OSBP: variants seen among roughly 807,000 people sequenced by gnomAD.
The protein encoded by OSBP is oxysterol binding protein.
A neutral mutation model predicts 96.6 loss-of-function variants in OSBP; 32 were observed. That is an observed-to-expected ratio of 0.33 (90% confidence interval 0.25 to 0.45). The LOEUF is 0.45. Ranked by LOEUF, OSBP falls within the 20% of genes least tolerant of loss-of-function variation. The pLI, the probability that OSBP is intolerant of heterozygous loss-of-function variation, is 1.00. For synonymous variants in OSBP, 369 were observed against 389.6 expected, an observed-to-expected ratio of 0.95 and a Z score of 0.62; for missense variants, 653 against 1,029.7, an observed-to-expected ratio of 0.63 and a Z score of 5.01.
chr11:59,590,534 G>A (rs1295194340), intron 9 of OSBP, among the ~76,000 whole-genome samples: 2 of 152,182 alleles, frequency 1.3e-5, no homozygotes, highest in Non-Finnish European at 2.9e-5. Context: ...TGTTGGGCCT[G>A]AATGAGTTAA....
chr11:59,599,982 C>T (rs1860700514), intron 7 of OSBP, among the ~76,000 whole-genome samples: 1 of 152,156 alleles, frequency 6.6e-6, no homozygotes, highest in Non-Finnish European at 1.5e-5. Context: ...ACTCTGACAA[C>T]AGTGTAGACA....
At chr11:59,608,103 A>G (rs1860804908) in intron 3 of OSBP, among the ~76,000 whole-genome samples, 1 of 151,980 alleles carries the variant, frequency 6.6e-6, no homozygotes. Context: ...GTTCCAACAG[A>G]TGAAATGAGA....
chr11:59,611,673 C>G lies in OSBP; in HGVS notation c.363-1084G>C, dbSNP rs551836283. Among the ~76,000 whole-genome samples the G allele has an allele frequency of 2.0e-5, 3 of 152,282 alleles. No homozygotes were observed. In the South Asian group the frequency reaches 6.2e-4, roughly 32 times the overall value. ...GAATATGTTCATTCCTAAGGTCCACCATACTCTACTGGTGGGAACTCCTAA... is the reference window on the plus strand; with the variant it reads ...GAATATGTTCATTCCTAAGGTCCACGATACTCTACTGGTGGGAACTCCTAA... On this transcript the variant is annotated intron_variant, in intron 1 of 13. Coordinates refer to ENST00000263847, the MANE Select transcript of OSBP (RefSeq NM_002556.3).
intron 1 of OSBP, among the ~76,000 whole-genome samples, chr11:59,614,231 G>C (rs1480071470): frequency 6.6e-6 from 1 of 152,202 alleles, no homozygotes; most frequent in Non-Finnish European, 1.5e-5. Context: ...AACAGAAGTA[G>C]TTTCAAATCC....
chr11:59,603,837 G>C (rs924335253), intron 3 of OSBP, among the ~76,000 whole-genome samples: 8 of 152,120 alleles, frequency 5.3e-5, no homozygotes, highest in African/African-American at 1.9e-4. Context: ...TTCCTATGTT[G>C]TCTCTGCTTT....
At chr11:59,602,413 A>G (rs1677398158) in intron 3 of OSBP, among the ~76,000 whole-genome samples, 1 of 152,224 alleles carries the variant, frequency 6.6e-6, no homozygotes, top group African/African-American at 2.4e-5. Context: ...AAATATTAGA[A>G]GCCTACTTGA....
Position 59,600,836 on chromosome 11 carries a change from T to C in OSBP, c.1162A>G (p.Ile388Val). The change falls in exon 6 of 14, where the codon ATC becomes GTC. Residue 388 changes from isoleucine to valine, a missense_variant. Ile to Val is a conservative substitution (Grantham distance 29). Around this residue, in one of 6 missense-constraint regions of OSBP, gnomAD observed 308 missense variants for 573.1 expected, o/e 0.54. Coordinates refer to ENST00000263847, the MANE Select transcript of OSBP (RefSeq NM_002556.3). Reference protein sequence around the residue: ...GSNISGASSDISLDEQYKHQL... With the variant: ...GSNISGASSDVSLDEQYKHQL... ...AGAATTACCTGTTCATCAAGGCTGA[T>C]GTCACTGCTGGCTCCACTGATATTG... 3 of 1,613,646 alleles carry C rather than the reference T, an allele frequency of 1.9e-6. No individual in the cohort carries two copies. Among genetic ancestry groups the C allele is most frequent in the Non-Finnish European group, 2.5e-6 (3 of 1,179,826 alleles).
rs755920099 is a variant in OSBP, at chr11:59,608,700, A to G, written c.606T>C (p.Thr202=). The G allele has an allele frequency of 4.3e-6, 7 of 1,613,916 alleles. No individual in the cohort carries two copies. The highest frequency in any genetic ancestry group is 5.1e-6 in the Non-Finnish European group (6 of 1,179,876). The part of the protein sequence containing the change: ...ESGDEESVSQ[T]DKTELQNTLR... ...GGGTATTCTGCAGCTCAGTCTTGTC[A>G]GTTTGTGAGACAGACTCTTCATCTC... Residue 202 remains threonine (T), a synonymous_variant, in exon 3 of 14, where the codon ACT becomes ACC. Coordinates refer to ENST00000263847, the MANE Select transcript of OSBP (RefSeq NM_002556.3).
rs780091390 is a variant in OSBP, at chr11:59,574,427, G to GT, written c.*2149dup. 0.073 allele frequency: 10,605 copies of GT among 144,516 alleles called. 760 individuals are homozygous for GT. Among genetic ancestry groups the GT allele is most frequent in the African/African-American group, 0.18 (7,063 of 39,844 alleles). The allele number at this position is 144,516 out of a possible 1,614,324, so 9.0% of individuals were successfully genotyped here. ...TTTTAAAAAATTATTTAATTTAGTA[G>GT]TTTTTTTTTTTTGGAAAAAAATCAA... On this transcript the variant is annotated 3_prime_UTR_variant, in exon 14 of 14. Coordinates refer to ENST00000263847, the MANE Select transcript of OSBP (RefSeq NM_002556.3).
chr11:59,611,399 C>T lies in OSBP; in HGVS notation c.363-810G>A, dbSNP rs554003864. Reference sequence around the variant, plus strand: ...TAAATTGCCCTATAACCTCATGCAACAATCTCATTTCCTAAGAATAGCTCT... The same window carrying T: ...TAAATTGCCCTATAACCTCATGCAATAATCTCATTTCCTAAGAATAGCTCT... On this transcript the variant is annotated intron_variant, in intron 1 of 13. Transcript: ENST00000263847. Among the ~76,000 whole-genome samples, 5 of 152,270 alleles carry T rather than the reference C, an allele frequency of 3.3e-5. No individual in the cohort carries two copies. The East Asian group carries it at 9.7e-4, about 29-fold the overall frequency.
chr11:59,607,295 C>T (rs946847782), intron 3 of OSBP, among the ~76,000 whole-genome samples: 1 of 152,164 alleles, frequency 6.6e-6, no homozygotes, highest in East Asian at 1.9e-4. Context: ...CAGGAATACA[C>T]GACCAGACAT....
intron 8 of OSBP, 35 bp from the exon 9 acceptor site, chr11:59,593,759 AAGG>A: frequency 6.2e-7 from 1 of 1,611,994 alleles, no homozygotes; most frequent in Middle Eastern, 1.7e-4. Context: ...AGACGGCAGA[AAGG>A]AGAAGAAAAA....
chr11:59,601,523 G>C, intron 4 of OSBP, 117 bp downstream of exon 4: 1 of 1,161,612 alleles, frequency 8.6e-7, no homozygotes, highest in Middle Eastern at 2.0e-4. Context: ...AAATCAATGG[G>C]TTCCAATTCC....
intron 4 of OSBP, 124 bp from the exon 5 acceptor site, chr11:59,601,509 G>A: frequency 8.6e-7 from 1 of 1,167,766 alleles, no homozygotes; most frequent in Non-Finnish European, 1.3e-6. Context: ...GGAAAATCCA[G>A]AATAAATCAA....
Position 59,615,626 on chromosome 11 carries a change from G to A in OSBP, c.39C>T (p.Gly13=). The A allele has an allele frequency of 7.2e-7, 1 of 1,383,858 alleles. No homozygotes were observed. Among genetic ancestry groups the A allele is most frequent in the Admixed American group, 3.0e-5 (1 of 33,440 alleles). 85.7% of individuals were successfully genotyped at this position (1,383,858 alleles called of 1,614,324 possible). ...CGCCAAGTGCTGCAATGGCTGCCGG[G>A]CCTGGCCCCACCACTCCTCTCAGCT... ...ATELRGVVGP[G]PAAIAALGGG... The change falls in exon 1 of 14, where the codon GGC becomes GGT. Residue 13 remains glycine (G), a synonymous_variant. Transcript: ENST00000263847.
In OSBP at chr11:59,578,279, C is replaced by G; in HGVS notation, c.1930G>C (p.Gly644Arg). ...CATTCCATTTTCTCATCCCACGTCC[C>G]CAGAAGAGCAAAGTGGACTTTTCCT... ...PSGKVHFALL[G>R]TWDEKMECFK... Residue 644 changes from glycine to arginine, a missense_variant, in exon 12 of 14, where the codon GGG (glycine) becomes CGG (arginine). Gly to Arg is a moderately radical substitution (Grantham distance 125, BLOSUM62 -2). This residue lies in a region of OSBP where 169 missense variants were observed against 251.5 expected (regional missense o/e 0.67). Coordinates refer to ENST00000263847, the MANE Select transcript of OSBP (RefSeq NM_002556.3). 6.2e-7 allele frequency: 1 copy of G among 1,614,216 alleles called. No homozygotes were observed. Among genetic ancestry groups the G allele is most frequent in the Non-Finnish European group, 8.5e-7 (1 of 1,180,052 alleles).
chr11:59,601,469 C>A (rs777136824), intron 4 of OSBP, 84 bp from the exon 5 acceptor site: 146 of 1,199,752 alleles, frequency 1.2e-4, no homozygotes, highest in Middle Eastern at 1.9e-4. Flanking sequence ...ATACTAACCA[C>A]AAACACAGCA....
At chr11:59,593,830 C>T in intron 8 of OSBP, 106 bp from the exon 9 acceptor site, 3 of 1,482,712 alleles carry the variant, frequency 2.0e-6, no homozygotes, top group East Asian at 4.7e-5. Flanking sequence ...TTTTTACACC[C>T]ACAACAGTAG....
At position 59,600,705 on chromosome 11, in the gene OSBP, C is replaced by G. The variant is rs1361943031; in HGVS notation, c.1180-78G>C. 4 of 1,512,700 alleles carry G rather than the reference C, an allele frequency of 2.6e-6. No individual in the cohort carries two copies. The African/African-American group carries it at 5.8e-5, about 22-fold the overall frequency. The allele number at this position is 1,512,700 out of a possible 1,614,324, so 93.7% of individuals were successfully genotyped here. On this transcript the variant is annotated intron_variant, in intron 6 of 13. Transcript: ENST00000263847. ...ATTTATAACCTTCCCTTCCCCCGTGCTAAAAAAAGAAAAAAAAATCAGTTT... is the reference window on the plus strand; with the variant it reads ...ATTTATAACCTTCCCTTCCCCCGTGGTAAAAAAAGAAAAAAAAATCAGTTT...
Sources: gnomAD v4.1 joint callset for allele counts (sites outside exome capture counted in the v4.1 genomes callset) on GRCh38, gnomAD v4.1.1 for gene constraint, gnomAD v4.1.1 regional missense constraint, MANE v1.5 for transcripts, NCBI Gene and HGNC (gene_info 2026-07-23, HGNC 2026-07-21) for gene names.